The following SERINC4 variants were observed in gnomAD, a reference collection of about 807,000 sequenced individuals.
SERINC4 encodes serine incorporator 4.
SERINC4 carries 52 observed loss-of-function variants against 52.0 expected under a neutral mutation model. The ratio of observed to expected loss-of-function variants is 1.00; its 90% confidence interval spans 0.80 to 1.26. The LOEUF (loss-of-function observed/expected upper bound fraction) is 1.26, where lower values mean the gene tolerates loss of function less well. SERINC4 is among the 50% of genes most tolerant of loss of function. The pLI is 0.00. For missense variants in SERINC4, 723 were observed against 632.8 expected (o/e 1.14, Z -1.53); for synonymous variants, 264 against 247.7 (o/e 1.07, Z -0.62).
Position 43,797,212 on chromosome 15 carries a change from G to A in SERINC4, c.777C>T (p.Leu259=). 2 of 1,550,852 alleles carry A rather than the reference G, an allele frequency of 1.3e-6. No homozygotes were observed. The highest frequency in any genetic ancestry group is 1.4e-5 in the African/African-American group (1 of 73,158). ...HPAGCLLNKM[L]LSLHLCFCGL... is the part of the protein sequence containing the mutation. ...CACAGAAGCAAAGGTGCAGACTGAG[G>A]AGCATCTTGTTAAGCAGGCAGCCAG... Residue 259 remains leucine, a synonymous_variant, in exon 6 of 12, where the codon CTC becomes CTT. Transcript: ENST00000319327.
chr15:43,797,754 G>T, intron 5 of SERINC4, 166 bp downstream of exon 5: 1 of 600,154 alleles, frequency 1.7e-6, no homozygotes, highest in Non-Finnish European at 3.0e-6. Flanking sequence ...GGTGTGACTA[G>T]CCATCCTACT....
chr15:43,799,406 G>A lies in SERINC4; in HGVS notation c.183C>T (p.Arg61=). ...WPSLTASTCS[R]LFYILLHVGA... The stretch of plus-strand genomic sequence containing the variant: ...CCACATGGAGGAGGATGTAGAACAG[G>A]CGGCTGCAAGTGGATGCGGTGAGAG... Residue 61 remains arginine, a synonymous_variant, in exon 2 of 12, where the codon CGC becomes CGT. Coordinates refer to ENST00000319327, the MANE Select transcript of SERINC4 (RefSeq NM_001258031.2). 6.4e-7 allele frequency: 1 copy of A among 1,550,916 alleles called. No homozygotes were observed. The highest frequency in any genetic ancestry group is 8.7e-7 in the Non-Finnish European group (1 of 1,147,054).
intron 8 of SERINC4, 44 bp downstream of exon 8, chr15:43,796,571 TG>T: frequency 6.2e-7 from 1 of 1,608,236 alleles, no homozygotes; most frequent in Non-Finnish European, 8.5e-7. Flanking sequence ...TTCCCTGTCT[TG>T]GGCACCCTCC....
chr15:43,797,161 A>G lies in SERINC4; in HGVS notation c.828T>C (p.Ala276=). The G allele has an allele frequency of 1.3e-6, 2 of 1,551,264 alleles. No individual in the cohort carries two copies. The highest frequency in any genetic ancestry group is 1.7e-6 in the Non-Finnish European group (2 of 1,147,038). ...FCGLISFLSI[A]PCIRLKQPRS... is the part of the protein sequence containing the mutation. ...TGTACCCACTGAGGCGGATGCAAGG[A>G]GCGATGGAGAGGAAGGAGATGAGGC... The change falls in exon 6 of 12, where the codon GCT becomes GCC. Residue 276 remains alanine (A), a synonymous_variant. Transcript: ENST00000319327.
intron 8 of SERINC4, 65 bp downstream of exon 8, chr15:43,796,551 C>A: frequency 4.5e-6 from 7 of 1,558,622 alleles, no homozygotes; most frequent in Non-Finnish European, 6.2e-6. Context: ...AGACATTGTC[C>A]TGACCATCCT....
chr15:43,795,820 G>A lies in SERINC4; in HGVS notation c.1141-84C>T, dbSNP rs185081856. On this transcript the variant is annotated intron_variant, in intron 9 of 11. Transcript: ENST00000319327. ...GGAAACTTCCCCCGTGAAAAGATTGGTCTAGTATTAAAAAGTGGAGGCACA... is the reference window on the plus strand; with the variant it reads ...GGAAACTTCCCCCGTGAAAAGATTGATCTAGTATTAAAAAGTGGAGGCACA... The A allele has an allele frequency of 3.0e-5, 44 of 1,443,124 alleles. No homozygotes were observed. In the African/African-American group the frequency reaches 5.8e-4, roughly 19 times the overall value. The allele number at this position is 1,443,124 out of a possible 1,614,324, so 89.4% of individuals were successfully genotyped here.
rs772620288 is a variant in SERINC4 at position 43,799,358 on chromosome 15, G to A, written c.231C>T (p.Leu77=). Residue 77 remains leucine (L), a synonymous_variant, in exon 2 of 12, where the codon CTC becomes CTT. Coordinates refer to ENST00000319327, the MANE Select transcript of SERINC4 (RefSeq NM_001258031.2). ...TTTCCACTACTGTCCTTGACAGCAGGAGGCAGCAGATTGCTGAGGCCCCCA... is the reference window on the plus strand; with the variant it reads ...TTTCCACTACTGTCCTTGACAGCAGAAGGCAGCAGATTGCTGAGGCCCCCA... ...LHVGASAICC[L]LLSRTVVERV... The A allele has an allele frequency of 1.3e-6, 2 of 1,551,006 alleles. No individual in the cohort carries two copies. Among genetic ancestry groups the A allele is most frequent in the African/African-American group, 1.4e-5 (1 of 73,032 alleles).
chr15:43,799,463 A>C lies in SERINC4; in HGVS notation c.126T>G (p.Pro42=). The C allele has an allele frequency of 6.4e-7, 1 of 1,550,784 alleles. No homozygotes were observed. The highest frequency in any genetic ancestry group is 8.7e-7 in the Non-Finnish European group (1 of 1,147,028). Residue 42 remains proline (P), a synonymous_variant, in exon 2 of 12, where the codon CCT becomes CCG. Transcript: ENST00000319327. ...FCQVCCCGPA[P]CASCCHSRWP... is the part of the protein sequence containing the mutation. ...ACCTAGAGTGGCAGCAGCTGGCACAAGGAGCAGGCCCACAGCAGCACACCT... is the reference window on the plus strand; with the variant it reads ...ACCTAGAGTGGCAGCAGCTGGCACACGGAGCAGGCCCACAGCAGCACACCT...
At position 43,795,542 on chromosome 15, in the gene SERINC4, C is replaced by T. The variant is rs1567170646; in HGVS notation, c.1190-1G>A. The T allele has an allele frequency of 6.2e-7, 1 of 1,614,148 alleles. No individual in the cohort carries two copies. Among genetic ancestry groups the T allele is most frequent in the Non-Finnish European group, 8.5e-7 (1 of 1,180,022 alleles). The stretch of plus-strand genomic sequence containing the variant: ...GGCCTCGCAGCCCCACCCCTTTGCC[C>T]TGGAGAGAGGAAATGGCTGCTGGGA... On this transcript the variant is annotated splice_acceptor_variant, in intron 10 of 11. Coordinates refer to ENST00000319327, the MANE Select transcript of SERINC4 (RefSeq NM_001258031.2). LOFTEE classifies it high-confidence loss of function.
Position 43,796,610 on chromosome 15 carries a change from A to C in SERINC4, c.1067+6T>G. The C allele has an allele frequency of 6.2e-7, 1 of 1,613,772 alleles. No individual in the cohort carries two copies. The highest frequency in any genetic ancestry group is 8.5e-7 in the Non-Finnish European group (1 of 1,179,912). ...TCATACCTCCACCCTTGACACCTTT[A>C]CGCACCAAGCAAAAAGCACACAAGC... On this transcript the variant is annotated splice_donor_region_variant and intron_variant, in intron 8 of 11. Coordinates refer to ENST00000319327, the MANE Select transcript of SERINC4 (RefSeq NM_001258031.2).
rs766074141 is a variant in SERINC4, at chr15:43,795,091, C to A, written c.1466G>T (p.Cys489Phe). The A allele has an allele frequency of 6.2e-7, 1 of 1,613,856 alleles. No homozygotes were observed. The highest frequency in any genetic ancestry group is 1.1e-5 in the South Asian group (1 of 91,056). Residue 489 changes from cysteine (C) to phenylalanine (F), a missense_variant, in exon 12 of 12, where the codon TGT becomes TTT. Cys to Phe is a radical substitution (Grantham distance 205). Transcript: ENST00000319327. Reference sequence around the variant, plus strand: ...CTGGGGTTTCTGGGTGGGGGGCCAACAGAGTGGTGCCAGTAACAGCCCCAG... The same window carrying A: ...CTGGGGTTTCTGGGTGGGGGGCCAAAAGAGTGGTGCCAGTAACAGCCCCAG... Reference protein sequence around the residue: ...LYLGLLLAPLCWPPTQKPQPL... With the variant: ...LYLGLLLAPLFWPPTQKPQPL...
At chr15:43,797,108 C>T in intron 6 of SERINC4, 37 bp downstream of exon 6, 1 of 1,529,738 alleles carries the variant, frequency 6.5e-7, no homozygotes, top group Non-Finnish European at 8.9e-7. Context: ...GCTTTTAAGG[C>T]CCCCAAAACC....
In SERINC4 at chr15:43,795,651, A is replaced by G. The variant is rs372346641; in HGVS notation, c.1189+37T>C. ...AGGGTTCTTATGGCACTCCACAGAG[A>G]TCTACCACTTCTTATGGTTCCTCAC... is the stretch of plus-strand genomic sequence containing the variant. On this transcript the variant is annotated intron_variant, in intron 10 of 11. Coordinates refer to ENST00000319327, the MANE Select transcript of SERINC4 (RefSeq NM_001258031.2). 3 of 1,612,236 alleles carry G rather than the reference A, an allele frequency of 1.9e-6. No homozygotes were observed. The African/African-American group carries it at 4.0e-5, about 22-fold the overall frequency.
chr15:43,797,981 C>G lies in SERINC4; in HGVS notation c.571G>C (p.Ala191Pro), dbSNP rs757239290. The change falls in exon 5 of 12, where the codon GCA becomes CCA. Residue 191 changes from alanine to proline, a missense_variant. Coordinates refer to ENST00000319327, the MANE Select transcript of SERINC4 (RefSeq NM_001258031.2). Reference protein sequence around the residue: ...WHYIGICGGFAFILLQLVLIT... With the variant: ...WHYIGICGGFPFILLQLVLIT... ...AGCACCAACTGCAGTAGGATGAATG[C>G]AAAGCCTCCACAGATGCCAATGTAA... is the stretch of plus-strand genomic sequence containing the variant. 1.2e-6 allele frequency: 2 copies of G among 1,613,700 alleles called. No homozygotes were observed. Among genetic ancestry groups the G allele is most frequent in the South Asian group, 2.2e-5 (2 of 91,078 alleles).
At chr15:43,799,616 C>T (rs1202701203) in intron 1 of SERINC4, 130 bp from the exon 2 acceptor site, 33 of 1,200,866 alleles carry the variant, frequency 2.7e-5, no homozygotes, top group Non-Finnish European at 4.0e-5. Flanking sequence ...TCCTTTTACT[C>T]AGGTTCTGTT....
chr15:43,796,450 C>A, intron 8 of SERINC4, 166 bp downstream of exon 8: 1 of 799,042 alleles, frequency 1.3e-6, no homozygotes, highest in Non-Finnish European at 2.0e-6. Context: ...TCATACAGAT[C>A]ATCTGACAAA....
Position 43,796,414 on chromosome 15 carries a change from A to G in SERINC4, c.1068-187T>C, listed in dbSNP as rs532777977. On this transcript the variant is annotated intron_variant, in intron 8 of 11. Coordinates refer to ENST00000319327, the MANE Select transcript of SERINC4 (RefSeq NM_001258031.2). ...GTCTTTGGACATATTTTAAATTCTC[A>G]AGTCATTCCCCCCACCCCCTTCATC... 51 of 709,560 alleles carry G rather than the reference A, an allele frequency of 7.2e-5. No homozygotes were observed. In the Admixed American group the frequency reaches 1.2e-3, roughly 17 times the overall value. The allele number at this position is 709,560 out of a possible 1,614,324, so 44.0% of individuals were successfully genotyped here. A position where few individuals can be genotyped will look rare whatever the true frequency, so the allele number is the denominator to read the frequency against.
chr15:43,799,325 C>G lies in SERINC4; in HGVS notation c.264G>C (p.Trp88Cys). Residue 88 changes from tryptophan (W) to cysteine (C), a missense_variant, in exon 2 of 12, where the codon TGG becomes TGC. By Grantham distance (215) the Trp-to-Cys change is radical. Coordinates refer to ENST00000319327, the MANE Select transcript of SERINC4 (RefSeq NM_001258031.2). Reference protein sequence around the residue: ...LLSRTVVERVWGKTHRIQMPS... With the variant: ...LLSRTVVERVCGKTHRIQMPS... ...TCTCACTTACCCTGTGTGTCTTGCC[C>G]CACACCCTTTCCACTACTGTCCTTG... 6.4e-7 allele frequency: 1 copy of G among 1,550,960 alleles called. No individual in the cohort carries two copies. The highest frequency in any genetic ancestry group is 1.4e-5 in the African/African-American group (1 of 73,146).
At position 43,794,257 on chromosome 15, in the gene SERINC4, ACTT is replaced by A. The variant is rs925850999; in HGVS notation, c.*740_*742del. ...GAGGAATCCTCTAAGAACCATAGAG[ACTT>A]CTTTTCTGTGATTTTTGTTCCCCAC... On this transcript the variant is annotated 3_prime_UTR_variant, in exon 12 of 12. Transcript: ENST00000319327. The A allele has an allele frequency of 1.4e-5, 5 of 355,674 alleles. No homozygotes were observed. The highest frequency in any genetic ancestry group is 1.0e-5 in the Non-Finnish European group (2 of 196,092). 22.0% of individuals were successfully genotyped at this position (355,674 alleles called of 1,614,324 possible).
Sources: allele counts gnomAD v4.1 joint callset, GRCh38; gene constraint gnomAD v4.1.1; transcripts MANE v1.5; gene names NCBI Gene and HGNC (gene_info 2026-07-23, HGNC 2026-07-21).